SPAG17: variants seen among roughly 807,000 people sequenced by gnomAD.
SPAG17 encodes sperm associated antigen 17, also known as sperm-associated antigen 17.
A neutral mutation model predicts 273.6 loss-of-function variants in SPAG17; 169 were observed. The ratio of observed to expected loss-of-function variants is 0.62; its 90% CI spans 0.55 to 0.70. The LOEUF is 0.70. Ranked by LOEUF, SPAG17 falls within the 30% of genes least tolerant of loss-of-function variation. The pLI, the probability that SPAG17 is intolerant of heterozygous loss-of-function variation, is 0.00. For synonymous variants in SPAG17, 825 were observed against 873.2 expected (o/e 0.94, Z 0.97); for missense variants, 2,557 against 2,627.8 (o/e 0.97, Z 0.59).
intron 19 of SPAG17, among the ~76,000 whole-genome samples, chr1:118,054,512 C>T (rs536999314): frequency 6.6e-6 from 1 of 152,118 alleles, no homozygotes; most frequent in African/African-American, 2.4e-5. Flanking sequence ...CTTGAGAGAC[C>T]TGAAATTGAA....
chr1:117,988,196 G>A lies in SPAG17; in HGVS notation c.5530C>T (p.His1844Tyr), dbSNP rs376841705. 1,297 of 1,595,288 alleles carry A rather than the reference G, an allele frequency of 8.1e-4. 14 individuals are homozygous for A. The South Asian group carries it at 0.013, about 16-fold the overall frequency. Reference sequence around the variant, plus strand: ...GACTGCTTGAATAAATCAGTTAGGTGAGCTGCAACTTTAAACATAGATGTA... The same window carrying A: ...GACTGCTTGAATAAATCAGTTAGGTAAGCTGCAACTTTAAACATAGATGTA... ...TKSHVTEVAA[H>Y]LTDLFKQSLA... Residue 1844 changes from histidine to tyrosine, a missense_variant, in exon 39 of 49, where the codon CAC (histidine) becomes TAC (tyrosine). Transcript: ENST00000336338.
intron 28 of SPAG17, 71 bp from the exon 29 acceptor site, chr1:118,016,253 G>T: frequency 8.1e-7 from 1 of 1,233,618 alleles, no homozygotes; most frequent in Non-Finnish European, 1.2e-6. Flanking sequence ...CATTCACTAT[G>T]TTTTGACACA....
chr1:118,090,712 T>C (rs1655317192), intron 10 of SPAG17, among the ~76,000 whole-genome samples: 1 of 151,960 alleles, frequency 6.6e-6, no homozygotes, highest in Admixed American at 6.6e-5. Flanking sequence ...AGCAAGGCCT[T>C]GTCTCTCCAA....
At chr1:117,963,059 T>A (rs1653312232) in intron 48 of SPAG17, 1 of 152,228 alleles carries the variant, frequency 6.6e-6, no homozygotes, top group Non-Finnish European at 1.5e-5. Context: ...AAGTCCTTTC[T>A]CTTTATTTCT....
intron 1 of SPAG17, 39 bp from the exon 2 acceptor site, chr1:118,151,408 T>C: frequency 6.5e-7 from 1 of 1,545,176 alleles, no homozygotes; most frequent in Admixed American, 1.8e-5. Flanking sequence ...TAAATATTCC[T>C]GAATAGGTCA....
At chr1:118,168,987 C>T (rs1660297963) in intron 1 of SPAG17, among the ~76,000 whole-genome samples, 1 of 152,170 alleles carries the variant, frequency 6.6e-6, no homozygotes, top group African/African-American at 2.4e-5. Flanking sequence ...CTGGGCAGAA[C>T]ACCTTGGATT....
At chr1:118,115,913 C>A (rs561011551) in intron 3 of SPAG17, among the ~76,000 whole-genome samples, 3 of 152,272 alleles carry the variant, frequency 2.0e-5, no homozygotes, top group East Asian at 1.9e-4. Flanking sequence ...TTCTTTGTAA[C>A]TAAATTCAAA....
At chr1:118,090,100 G>T (rs1655266810) in intron 10 of SPAG17, among the ~76,000 whole-genome samples, 1 of 152,120 alleles carries the variant, frequency 6.6e-6, no homozygotes, top group South Asian at 2.1e-4. Context: ...GTGTGAAAAT[G>T]GACTAATACA....
chr1:117,977,936 T>G (rs80334021), intron 43 of SPAG17, among the ~76,000 whole-genome samples: 1 of 152,204 alleles, frequency 6.6e-6, no homozygotes, highest in Admixed American at 6.5e-5. Flanking sequence ...TCCAACACCC[T>G]GTCTTATCTG....
intron 1 of SPAG17, among the ~76,000 whole-genome samples, chr1:118,166,781 A>G (rs1660188791): frequency 6.6e-6 from 1 of 152,230 alleles, no homozygotes; most frequent in Non-Finnish European, 1.5e-5. Flanking sequence ...AAAATTTTGC[A>G]TGTTAAATAT....
chr1:118,070,550 G>GA (rs1161684515), intron 17 of SPAG17, among the ~76,000 whole-genome samples: 1 of 151,784 alleles, frequency 6.6e-6, no homozygotes, highest in Non-Finnish European at 1.5e-5. Flanking sequence ...GTACATTCTA[G>GA]AAAAAAAGGG....
At chr1:118,083,130 TA>T (rs1271804043) in intron 13 of SPAG17, among the ~76,000 whole-genome samples, 1 of 152,188 alleles carries the variant, frequency 6.6e-6, no homozygotes. Flanking sequence ...GCTAATTTTG[TA>T]TTTTTTGTAG....
chr1:118,161,632 G>C (rs942419526), intron 1 of SPAG17, among the ~76,000 whole-genome samples: 3 of 152,096 alleles, frequency 2.0e-5, no homozygotes, highest in South Asian at 2.1e-4. Flanking sequence ...CCGCCTCCCG[G>C]GTTTACGCCA....
intron 3 of SPAG17, among the ~76,000 whole-genome samples, chr1:118,131,887 G>T (rs1265024964): frequency 1.3e-5 from 2 of 152,160 alleles, no homozygotes; most frequent in Admixed American, 1.3e-4. Context: ...AGCCATTCTT[G>T]GTTATGGATT....
At chr1:118,121,615 T>C (rs1657424874) in intron 3 of SPAG17, among the ~76,000 whole-genome samples, 1 of 152,316 alleles carries the variant, frequency 6.6e-6, no homozygotes, top group South Asian at 2.1e-4. Flanking sequence ...TGATCTGAAG[T>C]GGAGCAGTTT....
At chr1:118,090,757 C>T (rs1458055199) in intron 10 of SPAG17, among the ~76,000 whole-genome samples, 1 of 152,000 alleles carries the variant, frequency 6.6e-6, no homozygotes, top group African/African-American at 2.4e-5. Flanking sequence ...CATGGTGGTG[C>T]ATGCTTGTAG....
chr1:118,111,802 A>T (rs1338150310), intron 4 of SPAG17, among the ~76,000 whole-genome samples: 1 of 152,140 alleles, frequency 6.6e-6, no homozygotes, highest in African/African-American at 2.4e-5. Context: ...ACAAAAAGTT[A>T]CCCTAGTTCT....
intron 46 of SPAG17, among the ~76,000 whole-genome samples, chr1:117,968,128 TTCA>T (rs1327866656): frequency 6.6e-6 from 1 of 152,118 alleles, no homozygotes; most frequent in Non-Finnish European, 1.5e-5. Flanking sequence ...TTTGAGCAGA[TTCA>T]TTTAGTGTTG....
intron 6 of SPAG17, 94 bp downstream of exon 6, chr1:118,099,512 G>A (rs1475064074): frequency 8.7e-7 from 1 of 1,146,542 alleles, no homozygotes; most frequent in Non-Finnish European, 1.3e-6. Flanking sequence ...TGTACTAATT[G>A]TAAGACTATG....
Sources: gnomAD v4.1 joint callset for allele counts (sites outside exome capture counted in the v4.1 genomes callset) on GRCh38, gnomAD v4.1.1 for gene constraint, MANE v1.5 for transcripts, NCBI Gene and HGNC (gene_info 2026-07-23, HGNC 2026-07-21) for gene names.